SUPT7L: variants seen among roughly 807,000 people sequenced by gnomAD.
The protein encoded by SUPT7L is SPT7 like, STAGA complex subunit gamma.
SUPT7L carries 15 observed loss-of-function variants against 35.7 expected under a neutral mutation model. The ratio of observed to expected loss-of-function variants is 0.42; its 90% CI spans 0.28 to 0.65. The LOEUF (loss-of-function observed/expected upper bound fraction) is 0.65. Ranked by LOEUF, SUPT7L falls within the 30% of genes least tolerant of loss-of-function variation. The pLI, the probability that SUPT7L is intolerant of heterozygous loss-of-function variation, is 0.23. For missense variants in SUPT7L, 434 were observed against 522.2 expected, an observed-to-expected ratio of 0.83 and a Z score of 1.65; for synonymous variants, 168 against 186.2, an observed-to-expected ratio of 0.90 and a Z score of 0.79.
downstream of SUPT7L, chr2:27,648,079 T>C: frequency 1.6e-6 from 1 of 628,132 alleles, no homozygotes; most frequent in African/African-American, 1.8e-5. Flanking sequence ...GAGTTTCCTA[T>C]ATTGAGAGTT....
chr2:27,644,437 T>C, the SUPT7L span, among the ~76,000 whole-genome samples: 4 of 152,346 alleles, frequency 2.6e-5, no homozygotes, highest in South Asian at 2.1e-4. Flanking sequence ...AAAGTTCTTA[T>C]TTTGTTTTGA....
At position 27,655,365 on chromosome 2, in the gene SUPT7L, T is replaced by C. The variant is rs761444760; in HGVS notation, c.982A>G (p.Ser328Gly). ...AAGTGAGTAAGTTTATTTGTCTTACTTGAAGCCTGTGGTGAAGCTTCAACC... is the reference window on the plus strand; with the variant it reads ...AAGTGAGTAAGTTTATTTGTCTTACCTGAAGCCTGTGGTGAAGCTTCAACC... ...LEVEASPQASSAEVNASPLWN... is the reference protein window; with the variant it reads ...LEVEASPQASGAEVNASPLWN... The change falls in exon 5 of 6, where the codon AGT becomes GGT. Residue 328 changes from serine to glycine, a missense_variant and splice_region_variant. Transcript: ENST00000337768. 1.9e-6 allele frequency: 3 copies of C among 1,551,342 alleles called. No homozygotes were observed. The East Asian group carries it at 6.9e-5, about 35-fold the overall frequency.
rs74965659 is a variant in SUPT7L, at chr2:27,653,774, C to T, written c.983-27G>A. On this transcript the variant is annotated intron_variant, in intron 5 of 5. Coordinates refer to ENST00000337768, the MANE Select transcript of SUPT7L (RefSeq NM_014860.3). Reference sequence around the variant, plus strand: ...TAGAAACAGAGGAAAGATGGACATACACCAAGTGTATATGTGTAGCCAAGT... The same window carrying T: ...TAGAAACAGAGGAAAGATGGACATATACCAAGTGTATATGTGTAGCCAAGT... 0.016 allele frequency: 25,363 copies of T among 1,613,794 alleles called. 1,323 individuals carry two copies. The African/African-American group carries it at 0.18, about 11-fold the overall frequency.
chr2:27,651,612 T>C lies in SUPT7L; in HGVS notation c.*1873A>G, dbSNP rs947385420. 4 of 152,244 alleles carry C rather than the reference T, an allele frequency of 2.6e-5. No homozygotes were observed. The highest frequency in any genetic ancestry group is 9.6e-5 in the African/African-American group (4 of 41,460). 9.4% of individuals were successfully genotyped at this position (152,244 alleles called of 1,614,324 possible). ...CGCAAAACTCAAGCATACTTGGTTT[T>C]TCTCTGTAGTACTTTTGAATGCTTT... On this transcript the variant is annotated 3_prime_UTR_variant, in exon 6 of 6. Transcript: ENST00000337768.
chr2:27,658,257 T>C (rs1237816116), intron 3 of SUPT7L, among the ~76,000 whole-genome samples: 1 of 152,200 alleles, frequency 6.6e-6, no homozygotes, highest in African/African-American at 2.4e-5. Context: ...TCCTGTGTTG[T>C]GCAATGGGTA....
chr2:27,661,372 G>A lies in SUPT7L; in HGVS notation c.31C>T (p.Pro11Ser). The change falls in exon 3 of 6, where the codon CCA (proline) becomes TCA (serine). Residue 11 changes from proline (P) to serine (S), a missense_variant. By Grantham distance (74) the Pro-to-Ser change is moderately conservative. This residue lies in a region of SUPT7L where 77 missense variants were observed against 114.4 expected (regional missense o/e 0.67). Transcript: ENST00000337768. MNLQRYWGEI[P>S]ISSSQTNRSS... ...CTGTTGGTCTGGCTTGATGATATTGGTATCTCTCCCCAGTATCTCAACATT... is the reference window on the plus strand; with the variant it reads ...CTGTTGGTCTGGCTTGATGATATTGATATCTCTCCCCAGTATCTCAACATT... The A allele has an allele frequency of 1.2e-6, 2 of 1,613,810 alleles. No individual in the cohort carries two copies. Among genetic ancestry groups the A allele is most frequent in the South Asian group, 2.2e-5 (2 of 91,064 alleles).
chr2:27,655,754 G>C, intron 4 of SUPT7L, 152 bp from the exon 5 acceptor site: 1 of 718,342 alleles, frequency 1.4e-6, no homozygotes, highest in Non-Finnish European at 2.3e-6. Flanking sequence ...AAGGTGCTGA[G>C]TTTGCATTTA....
Position 27,657,219 on chromosome 2 carries a change from G to C in SUPT7L, c.744+126C>G. 1 of 1,063,636 alleles carries C rather than the reference G, an allele frequency of 9.4e-7. No individual in the cohort carries two copies. The highest frequency in any genetic ancestry group is 2.8e-5 in the Admixed American group (1 of 35,952). The allele number at this position is 1,063,636 out of a possible 1,614,324, so 65.9% of individuals were successfully genotyped here. A position where few individuals can be genotyped will look rare whatever the true frequency, so the allele number is the denominator to read the frequency against. On this transcript the variant is annotated intron_variant, in intron 4 of 5. Transcript: ENST00000337768. The surrounding 1 kb of genome is among the most constrained non-coding windows in gnomAD (Gnocchi z 5.2). ...GAACATCGCTAGGGCCATCATAAAA[G>C]TATGTTAAGTTCACTCTGTTCCAAG... is the stretch of plus-strand genomic sequence containing the variant.
chr2:27,651,375 A>T lies in SUPT7L; in HGVS notation c.*2110T>A, dbSNP rs1315957763. On this transcript the variant is annotated 3_prime_UTR_variant, in exon 6 of 6. Transcript: ENST00000337768. ...ATTCTGATGCATAGTAGCCTATGACATAATTCCAGACCAGGTGAATCTCAA... is the reference window on the plus strand; with the variant it reads ...ATTCTGATGCATAGTAGCCTATGACTTAATTCCAGACCAGGTGAATCTCAA... 1 of 152,374 alleles carries T rather than the reference A, an allele frequency of 6.6e-6. No individual in the cohort carries two copies. The highest frequency in any genetic ancestry group is 1.5e-5 in the Non-Finnish European group (1 of 68,048). 9.4% of individuals were successfully genotyped at this position (152,374 alleles called of 1,614,324 possible).
chr2:27,662,049 T>C, intron 2 of SUPT7L, 130 bp downstream of exon 2: 1 of 1,247,420 alleles, frequency 8.0e-7, no homozygotes. Flanking sequence ...GTATGTCATC[T>C]ATTCTCTACA....
At chr2:27,642,958 T>TATACACAC in the SUPT7L span, among the ~76,000 whole-genome samples, 1,684 of 122,624 alleles carry the variant, frequency 0.014, 26 homozygotes, top group East Asian at 0.079. Context: ...TATATATATA[T>TATACACAC]ACACACACAC....
At chr2:27,655,229 G>A in intron 5 of SUPT7L, 136 bp downstream of exon 5, 1 of 686,126 alleles carries the variant, frequency 1.5e-6, no homozygotes, top group South Asian at 2.2e-5. Flanking sequence ...AGGTGAAACT[G>A]TATTCGTTTT....
At chr2:27,647,181 C>T (rs1674276584), downstream of SUPT7L, among the ~76,000 whole-genome samples, 1 of 152,186 alleles carries the variant, frequency 6.6e-6, no homozygotes, top group African/African-American at 2.4e-5. Flanking sequence ...TATTCCCTAG[C>T]TGAGCTCTCG....
chr2:27,662,062 G>T, intron 2 of SUPT7L, 117 bp downstream of exon 2: 1 of 1,393,868 alleles, frequency 7.2e-7, no homozygotes, highest in Non-Finnish European at 1.0e-6. Flanking sequence ...TCTCTACACT[G>T]CTGCTAGACT....
Position 27,653,699 on chromosome 2 carries a change from A to G in SUPT7L, c.1031T>C (p.Met344Thr), listed in dbSNP as rs763634190. Reference sequence around the variant, plus strand: ...GCCTTCTTCACTTTCTTGAGGCTCCATTTTCACATGGGCCAGATTCCAAAG... The same window carrying G: ...GCCTTCTTCACTTTCTTGAGGCTCCGTTTTCACATGGGCCAGATTCCAAAG... ...SPLWNLAHVKMEPQESEEGNV... is the reference protein window; with the variant it reads ...SPLWNLAHVKTEPQESEEGNV... Residue 344 changes from methionine to threonine, a missense_variant, in exon 6 of 6, where the codon ATG (methionine) becomes ACG (threonine). Physicochemically the swap from Met to Thr is moderately conservative, Grantham distance 81. This residue lies in a region of SUPT7L where 159 missense variants were observed against 217.1 expected (regional missense o/e 0.73). Transcript: ENST00000337768. 3.7e-6 allele frequency: 6 copies of G among 1,614,146 alleles called. No individual in the cohort carries two copies. The highest frequency in any genetic ancestry group is 8.5e-7 in the Non-Finnish European group (1 of 1,180,028).
chr2:27,644,729 T>G, the SUPT7L span, among the ~76,000 whole-genome samples: 7 of 148,214 alleles, frequency 4.7e-5, no homozygotes, highest in African/African-American at 1.5e-4. Context: ...TAGTGTTTTT[T>G]TTTTTTTTTT....
rs377222033 is a variant in SUPT7L, at chr2:27,657,598, G to C, written c.491C>G (p.Thr164Arg). The C allele has an allele frequency of 2.9e-4, 462 of 1,614,142 alleles. No homozygotes were observed. Among genetic ancestry groups the C allele is most frequent in the Non-Finnish European group, 3.8e-4 (445 of 1,180,052 alleles). The change falls in exon 4 of 6, where the codon ACA (threonine) becomes AGA (arginine). Residue 164 changes from threonine to arginine, a missense_variant. By Grantham distance (71) the Thr-to-Arg change is moderately conservative (BLOSUM62 -1). Transcript: ENST00000337768. This position sits in a 1 kb window ranked among gnomAD's most constrained non-coding sequence, Gnocchi z 5.2. ...GTCAAAGCCCGCGTGGGCCAGGATT[G>C]TGGCCACTGCCTGGTAGAGGAGCTG... ...CRQLLYQAVA[T>R]ILAHAGFDCA... is the part of the protein sequence containing the mutation.
In SUPT7L at chr2:27,661,248, A is replaced by G. The variant is rs971288974; in HGVS notation, c.155T>C (p.Met52Thr). 3.7e-6 allele frequency: 6 copies of G among 1,613,554 alleles called. No homozygotes were observed. Among genetic ancestry groups the G allele is most frequent in the African/African-American group, 2.7e-5 (2 of 74,916 alleles). The change falls in exon 3 of 6, where the codon ATG becomes ACG. Residue 52 changes from methionine to threonine, a missense_variant. Physicochemically the swap from Met to Thr is moderately conservative, Grantham distance 81 (BLOSUM62 -1). Coordinates refer to ENST00000337768, the MANE Select transcript of SUPT7L (RefSeq NM_014860.3). Reference sequence around the variant, plus strand: ...ACATGGCTCTGAGGGGATGTCCAGCATAGTGGGGGGCTTCGGCTTGTTGGC... The same window carrying G: ...ACATGGCTCTGAGGGGATGTCCAGCGTAGTGGGGGGCTTCGGCTTGTTGGC... ...PSANKPKPPT[M>T]LDIPSEPCSL...
downstream of SUPT7L, chr2:27,647,934 G>GGC (rs764380984): frequency 2.5e-6 from 4 of 1,599,492 alleles, no homozygotes; most frequent in Non-Finnish European, 3.4e-6. Context: ...TGATGACATT[G>GGC]ACCACAGAGG....
Sources: allele counts gnomAD v4.1 joint callset (sites outside exome capture counted in the v4.1 genomes callset), GRCh38; gene constraint gnomAD v4.1.1; regional missense constraint gnomAD v4.1.1; non-coding constraint Gnocchi (gnomAD v3.1); transcripts MANE v1.5; gene names NCBI Gene and HGNC (gene_info 2026-07-23, HGNC 2026-07-21).